The following ANKRD11 variants were observed in gnomAD, a reference collection of about 807,000 sequenced individuals.
The protein encoded by ANKRD11 is ankyrin repeat domain-containing protein 11.
A neutral mutation model predicts 195.7 loss-of-function variants in ANKRD11; 17 were observed. The observed-to-expected ratio is 0.09, with a 90% CI of 0.06 to 0.13. ANKRD11 has a LOEUF of 0.13. Among genes scored for constraint, ANKRD11 ranks in the 10% least tolerant of loss-of-function variants. ANKRD11 has a pLI of 1.00. For synonymous variants in ANKRD11, 1,953 were observed against 1,528.1 expected, an observed-to-expected ratio of 1.28 and a Z score of -6.49; for missense variants, 3,735 against 3,566.1, an observed-to-expected ratio of 1.05 and a Z score of -1.21.
intron 1 of ANKRD11, among the ~76,000 whole-genome samples, chr16:89,476,498 G>A (rs1162723859): frequency 6.6e-6 from 1 of 152,200 alleles, no homozygotes; most frequent in Non-Finnish European, 1.5e-5. Flanking sequence ...AACCAGGAGA[G>A]GTGCCTGGAC....
At chr16:89,288,506 T>C (rs778686213) in intron 7 of ANKRD11, 22 bp downstream of exon 7, 3 of 1,613,972 alleles carry the variant, frequency 1.9e-6, no homozygotes, top group East Asian at 2.2e-5. Context: ...GCCGGATGTG[T>C]GAAGAACGGG....
chr16:89,382,257 C>T (rs1278575450), intron 2 of ANKRD11, among the ~76,000 whole-genome samples: 2 of 152,020 alleles, frequency 1.3e-5, no homozygotes, highest in Non-Finnish European at 2.9e-5. Flanking sequence ...TAAAAGGTGT[C>T]TAGAAATTCC....
rs138496186 is a variant in ANKRD11, at chr16:89,459,946, A to G, written c.-145+30299T>C. 4.7e-3 allele frequency among the ~76,000 whole-genome samples: 721 copies of G among 151,974 alleles called. 11 individuals are homozygous for G. Among genetic ancestry groups the G allele is most frequent in the African/African-American group, 0.015 (604 of 41,450 alleles). ...AGACCCTGTATCCAAAAAAAAAGAA[A>G]AAAAAAAGGCCAGGTGCGGTGGCTC... is the stretch of plus-strand genomic sequence containing the variant. On this transcript the variant is annotated intron_variant, in intron 1 of 12. Coordinates refer to ENST00000301030, the MANE Select transcript of ANKRD11 (RefSeq NM_013275.6).
At chr16:89,312,594 T>C (rs1427557439) in intron 3 of ANKRD11, among the ~76,000 whole-genome samples, 1 of 152,130 alleles carries the variant, frequency 6.6e-6, no homozygotes. Context: ...TGTCCTTTTC[T>C]GCCTTAGTGA....
At chr16:89,477,157 T>G (rs889319291) in intron 1 of ANKRD11, among the ~76,000 whole-genome samples, 2 of 151,666 alleles carry the variant, frequency 1.3e-5, no homozygotes, top group African/African-American at 4.8e-5. Context: ...ACAGGCACAA[T>G]AGAAGTATAA....
intron 4 of ANKRD11, among the ~76,000 whole-genome samples, chr16:89,293,143 C>T (rs977878483): frequency 6.6e-6 from 1 of 152,298 alleles, no homozygotes; most frequent in East Asian, 1.9e-4. Flanking sequence ...GACCTAGCCA[C>T]GCACATTCAG....
intron 1 of ANKRD11, among the ~76,000 whole-genome samples, chr16:89,468,137 T>C (rs1442652063): frequency 6.6e-6 from 1 of 152,142 alleles, no homozygotes; most frequent in Non-Finnish European, 1.5e-5. Context: ...ACTGTAATCA[T>C]GAACTTGGAA....
chr16:89,472,657 C>A (rs1372184782), intron 1 of ANKRD11, among the ~76,000 whole-genome samples: 2 of 152,130 alleles, frequency 1.3e-5, no homozygotes, highest in African/African-American at 4.8e-5. Flanking sequence ...CTGTGCACAC[C>A]GTTTAAATAC....
chr16:89,364,067 AAC>A (rs58145428), intron 2 of ANKRD11, among the ~76,000 whole-genome samples: 3,167 of 150,506 alleles, frequency 0.021, 126 homozygotes, highest in African/African-American at 0.074. Context: ...GCTGATTTAA[AAC>A]ACACACACAC....
intron 2 of ANKRD11, among the ~76,000 whole-genome samples, chr16:89,413,489 G>C (rs2042176583): frequency 6.6e-6 from 1 of 152,260 alleles, no homozygotes. Flanking sequence ...GCCGGGCGTG[G>C]TGGCGGGCAC....
intron 2 of ANKRD11, among the ~76,000 whole-genome samples, chr16:89,404,172 G>A (rs919239126): frequency 6.6e-6 from 1 of 152,174 alleles, no homozygotes; most frequent in Non-Finnish European, 1.5e-5. Context: ...CCCACAGGTG[G>A]CTCGACCCAC....
Position 89,323,415 on chromosome 16 carries a change from G to T in ANKRD11, c.-59-6337C>A, listed in dbSNP as rs1264946033. The T allele has an allele frequency of 1.8e-5, 20 of 1,134,514 alleles. No individual in the cohort carries two copies. The South Asian group carries it at 2.2e-4, about 12-fold the overall frequency. 70.3% of individuals were successfully genotyped at this position (1,134,514 alleles called of 1,614,324 possible). ...GAGAGCAAGCAGCCCAGGGCAGGGG[G>T]GCTGAGCCGAGGGCAGGGGGGCTGA... On this transcript the variant is annotated intron_variant, in intron 2 of 12. Coordinates refer to ENST00000301030, the MANE Select transcript of ANKRD11 (RefSeq NM_013275.6).
intron 2 of ANKRD11, among the ~76,000 whole-genome samples, chr16:89,327,272 C>A (rs867760203): frequency 6.6e-6 from 1 of 152,114 alleles, no homozygotes; most frequent in African/African-American, 2.4e-5. Flanking sequence ...TCAAAACTCA[C>A]GATAAAAATT....
chr16:89,431,944 T>C (rs1456612016), intron 1 of ANKRD11, among the ~76,000 whole-genome samples: 2 of 152,094 alleles, frequency 1.3e-5, no homozygotes, highest in African/African-American at 4.8e-5. Flanking sequence ...TCCTCCTCCC[T>C]ATCAAAAGCC....
chr16:89,368,300 G>T (rs938523564), intron 2 of ANKRD11, among the ~76,000 whole-genome samples: 1 of 148,414 alleles, frequency 6.7e-6, no homozygotes, highest in Non-Finnish European at 1.5e-5. Context: ...GGTTACAAGC[G>T]ATTCTCCTGC....
chr16:89,436,505 G>GT (rs1178657656), intron 1 of ANKRD11, among the ~76,000 whole-genome samples: 1 of 152,120 alleles, frequency 6.6e-6, no homozygotes, highest in Non-Finnish European at 1.5e-5. Context: ...CTAACAGCAA[G>GT]TATTATACAA....
At chr16:89,315,095 C>T (rs2036866676) in intron 3 of ANKRD11, among the ~76,000 whole-genome samples, 1 of 152,204 alleles carries the variant, frequency 6.6e-6, no homozygotes, top group Non-Finnish European at 1.5e-5. Flanking sequence ...ACAGCTCACG[C>T]CTCCACACTC....
chr16:89,472,010 T>C (rs2057101396), intron 1 of ANKRD11, among the ~76,000 whole-genome samples: 2 of 152,036 alleles, frequency 1.3e-5, no homozygotes, highest in South Asian at 4.1e-4. Flanking sequence ...TAGAATAAAA[T>C]GGGAAGCTGT....
intron 9 of ANKRD11, 34 bp from the exon 10 acceptor site, chr16:89,275,225 G>A (rs1486913356): frequency 1.3e-6 from 2 of 1,561,684 alleles, no homozygotes; most frequent in African/African-American, 2.7e-5. Context: ...GGGGTCAGCT[G>A]GGGCTGTGGA....
Sources: allele counts gnomAD v4.1 joint callset (sites outside exome capture counted in the v4.1 genomes callset), GRCh38; gene constraint gnomAD v4.1.1; transcripts MANE v1.5; gene names NCBI Gene and HGNC (gene_info 2026-07-23, HGNC 2026-07-21).